Variants in DYSF observed in about 807,000 individuals in gnomAD.
The protein encoded by DYSF is dystrophy-associated fer-1-like 1.
Under a neutral mutation model 274.9 loss-of-function variants are expected in DYSF, and 212 were observed. That is an observed-to-expected ratio of 0.77 (90% CI 0.69 to 0.86). The LOEUF (loss-of-function observed/expected upper bound fraction) is 0.86, where lower values mean the gene tolerates loss of function less well. Among genes scored for constraint, DYSF ranks in the 40% least tolerant of loss-of-function variants. The pLI is 0.00. For missense variants in DYSF, 2,666 were observed against 2,783.2 expected (o/e 0.96, Z 0.95); for synonymous variants, 1,091 against 1,078.7 (o/e 1.01, Z -0.22).
chr2:71,624,009 C>T (rs190817536), intron 41 of DYSF, among the ~76,000 whole-genome samples: 50 of 152,296 alleles, frequency 3.3e-4, no homozygotes, highest in African/African-American at 1.2e-3. Context: ...GACGAGGTTG[C>T]GGTGAGCCGT....
At chr2:71,618,042 GT>G (rs2093951822) in intron 40 of DYSF, among the ~76,000 whole-genome samples, 6 of 33,094 alleles carry the variant, frequency 1.8e-4, no homozygotes, top group Admixed American at 7.1e-4. Context: ...TAGAGATGGT[GT>G]GTGTGTGTGT....
At chr2:71,602,533 G>T (rs111292460) in intron 35 of DYSF, among the ~76,000 whole-genome samples, 1 of 152,078 alleles carries the variant, frequency 6.6e-6, no homozygotes, top group Non-Finnish European at 1.5e-5. Context: ...CTTTCCCAGC[G>T]TCCCTCTGCA....
intron 22 of DYSF, among the ~76,000 whole-genome samples, chr2:71,560,116 C>G (rs2091627383): frequency 6.6e-6 from 1 of 152,200 alleles, no homozygotes; most frequent in Non-Finnish European, 1.5e-5. Flanking sequence ...TCAGCCTCCT[C>G]TTCCCGGTCT....
chr2:71,601,267 C>T, intron 34 of DYSF: 1 of 636,506 alleles, frequency 1.6e-6, no homozygotes, highest in Non-Finnish European at 2.8e-6. Context: ...TTCAAACTTC[C>T]TCTTAGTATG....
intron 11 of DYSF, among the ~76,000 whole-genome samples, 180 bp from the exon 12 acceptor site, chr2:71,520,609 T>C (rs1276825953): frequency 6.6e-6 from 1 of 152,234 alleles, no homozygotes; most frequent in Non-Finnish European, 1.5e-5. Context: ...TGTTAATATT[T>C]CTGACTCTGA....
At chr2:71,619,214 C>T (rs1558643854) in intron 40 of DYSF, among the ~76,000 whole-genome samples, 2 of 152,086 alleles carry the variant, frequency 1.3e-5, no homozygotes, top group Non-Finnish European at 2.9e-5. Context: ...AGAGCTGCTG[C>T]CTGGCGAGGC....
chr2:71,538,232 C>T lies in DYSF; in HGVS notation c.1494-925C>T, dbSNP rs13388680. On this transcript the variant is annotated intron_variant, in intron 16 of 55. Coordinates refer to ENST00000410020, the MANE Select transcript of DYSF (RefSeq NM_001130987.2). ...CTGATGGTTTTAGCACAGTGCTTGG[C>T]TCTTAGTACGTGCTCAATAAATGTT... 1.6e-3 allele frequency among the ~76,000 whole-genome samples: 249 copies of T among 152,334 alleles called. 1 individual carries two copies. Among genetic ancestry groups the T allele is most frequent in the African/African-American group, 5.7e-3 (235 of 41,586 alleles).
chr2:71,592,595 C>T (rs1380865029), intron 32 of DYSF, among the ~76,000 whole-genome samples: 1 of 152,230 alleles, frequency 6.6e-6, no homozygotes, highest in Non-Finnish European at 1.5e-5. Flanking sequence ...TCTGAGGAAA[C>T]TCATGTGTGA....
chr2:71,617,806 A>ATG (rs1373307675), intron 40 of DYSF, among the ~76,000 whole-genome samples: 107 of 37,212 alleles, frequency 2.9e-3, no homozygotes, highest in African/African-American at 9.0e-3. Flanking sequence ...GGTGGGGTAT[A>ATG]TGTGTGTGTG....
chr2:71,674,298 T>C lies in DYSF; in HGVS notation c.5884+2T>C. On this transcript the variant is annotated splice_donor_variant, in intron 52 of 55. Coordinates refer to ENST00000410020, the MANE Select transcript of DYSF (RefSeq NM_001130987.2). LOFTEE classifies it high-confidence loss of function. ...AGTTCTCCTTTGATGATTTTCTGGG[T>C]AAGCGCTATTGCTAGAATCCCATTC... is the stretch of plus-strand genomic sequence containing the variant. 1 of 1,613,956 alleles carries C rather than the reference T, an allele frequency of 6.2e-7. No individual in the cohort carries two copies. The highest frequency in any genetic ancestry group is 8.5e-7 in the Non-Finnish European group (1 of 1,179,796).
At chr2:71,497,118 C>A (rs927461169) in intron 3 of DYSF, among the ~76,000 whole-genome samples, 1 of 152,212 alleles carries the variant, frequency 6.6e-6, no homozygotes, top group African/African-American at 2.4e-5. Flanking sequence ...GATGTAACTG[C>A]CCTACAGATT....
At chr2:71,618,759 T>A (rs1188409677) in intron 40 of DYSF, among the ~76,000 whole-genome samples, 1 of 151,448 alleles carries the variant, frequency 6.6e-6, no homozygotes, top group Non-Finnish European at 1.5e-5. Context: ...GGTGGGTGTG[T>A]GTCCGTGTGA....
At chr2:71,547,850 G>C (rs983515730) in intron 17 of DYSF, among the ~76,000 whole-genome samples, 1 of 152,066 alleles carries the variant, frequency 6.6e-6, no homozygotes, top group Non-Finnish European at 1.5e-5. Context: ...GTGGGAAGCC[G>C]ACTTTGCCTC....
intron 14 of DYSF, among the ~76,000 whole-genome samples, chr2:71,529,059 C>T (rs1319815429): frequency 6.6e-6 from 1 of 152,206 alleles, no homozygotes; most frequent in Non-Finnish European, 1.5e-5. Flanking sequence ...CCCCAGGCCT[C>T]TCTGTGCCTC....
intron 4 of DYSF, among the ~76,000 whole-genome samples, chr2:71,505,903 A>G (rs1404778957): frequency 6.6e-6 from 1 of 152,212 alleles, no homozygotes; most frequent in African/African-American, 2.4e-5. Context: ...CCAGGAGGGC[A>G]CTGTGTGTTG....
intron 52 of DYSF, among the ~76,000 whole-genome samples, chr2:71,676,553 T>G (rs915890768): frequency 1.3e-5 from 2 of 152,146 alleles, no homozygotes; most frequent in African/African-American, 2.4e-5. Flanking sequence ...ACTTTTTTTC[T>G]TACAGACTTT....
Position 71,679,224 on chromosome 2 carries a change from A to G in DYSF, c.6052A>G (p.Lys2018Glu). The change falls in exon 53 of 56, where the codon AAA becomes GAA. Residue 2018 changes from lysine (K) to glutamate (E), a missense_variant. This residue lies in a region of DYSF where 1,460 missense variants were observed against 1,502.1 expected (regional missense o/e 0.97). Coordinates refer to ENST00000410020, the MANE Select transcript of DYSF (RefSeq NM_001130987.2). ...CTGTGTAGCAGAAGAGGGTGAGAAG[A>G]AAATACTGGCGGTAAGTCTACTTCC... Reference protein sequence around the residue: ...WPCVAEEGEKKILAGKLEMTL... With the variant: ...WPCVAEEGEKEILAGKLEMTL... 1.9e-6 allele frequency: 3 copies of G among 1,614,072 alleles called. No homozygotes were observed. Among genetic ancestry groups the G allele is most frequent in the Non-Finnish European group, 2.5e-6 (3 of 1,179,976 alleles).
At chr2:71,517,172 C>T (rs537411022) in intron 10 of DYSF, 133 bp downstream of exon 10, 36 of 878,756 alleles carry the variant, frequency 4.1e-5, no homozygotes, top group South Asian at 8.3e-5. Context: ...CAAAGAACAA[C>T]GCCAAGCCCT....
At chr2:71,633,031 G>A (rs1425152672) in intron 41 of DYSF, among the ~76,000 whole-genome samples, 4 of 152,214 alleles carry the variant, frequency 2.6e-5, no homozygotes, top group Non-Finnish European at 5.9e-5. Context: ...AATCAGAGTA[G>A]GTGGAGTAAT....
Sources: allele counts gnomAD v4.1 joint callset (sites outside exome capture counted in the v4.1 genomes callset), GRCh38; gene constraint gnomAD v4.1.1; regional missense constraint gnomAD v4.1.1; transcripts MANE v1.5; gene names NCBI Gene and HGNC (gene_info 2026-07-23, HGNC 2026-07-21).